Variants in FCHSD2 observed in about 807,000 individuals in gnomAD.
FCHSD2 encodes F-BAR and double SH3 domains protein 2.
FCHSD2 carries 38 observed loss-of-function variants against 108.1 expected under a neutral mutation model. The observed-to-expected ratio is 0.35, with a 90% confidence interval of 0.27 to 0.46. The LOEUF is 0.46. Ranked by LOEUF, FCHSD2 falls within the 20% of genes least tolerant of loss-of-function variation. FCHSD2 has a pLI of 1.00. For missense variants in FCHSD2, 751 were observed against 897.8 expected (o/e 0.84, Z 2.09); for synonymous variants, 279 against 314.7 (o/e 0.89, Z 1.20).
rs144561750 is a variant in FCHSD2, at chr11:73,016,259, G to C, written c.166-374C>G. 7.8e-3 allele frequency among the ~76,000 whole-genome samples: 1,175 copies of C among 151,102 alleles called. 19 individuals carry two copies. Among genetic ancestry groups the C allele is most frequent in the African/African-American group, 0.027 (1,099 of 41,110 alleles). On this transcript the variant is annotated intron_variant, in intron 3 of 19. Coordinates refer to ENST00000409418, the MANE Select transcript of FCHSD2 (RefSeq NM_014824.3). ...CGGAGGCTGCAGTGAGCCGAGACTGGGCCTCAGCACTCCAGCCTGGGTGAC... is the reference window on the plus strand; with the variant it reads ...CGGAGGCTGCAGTGAGCCGAGACTGCGCCTCAGCACTCCAGCCTGGGTGAC...
chr11:73,040,338 G>GT (rs971274752), intron 3 of FCHSD2, among the ~76,000 whole-genome samples: 1 of 152,108 alleles, frequency 6.6e-6, no homozygotes, highest in Non-Finnish European at 1.5e-5. Flanking sequence ...TTTGTTTTTT[G>GT]TTTTTTGCCA....
At chr11:72,885,949 C>T (rs1855188807) in intron 12 of FCHSD2, among the ~76,000 whole-genome samples, 1 of 152,150 alleles carries the variant, frequency 6.6e-6, no homozygotes, top group Non-Finnish European at 1.5e-5. Context: ...CCAGCCCAGG[C>T]AGATGGCAAG....
chr11:72,872,477 C>G (rs376486887), intron 12 of FCHSD2, among the ~76,000 whole-genome samples: 4 of 152,068 alleles, frequency 2.6e-5, no homozygotes, highest in Admixed American at 6.6e-5. Flanking sequence ...TCTTGACAAT[C>G]ACTATTCTAC....
intron 4 of FCHSD2, among the ~76,000 whole-genome samples, chr11:73,003,510 G>A (rs1440267837): frequency 3.6e-5 from 5 of 140,204 alleles, no homozygotes; most frequent in East Asian, 2.0e-4. Flanking sequence ...TTTTTGAGAC[G>A]GAGTCTTGCT....
chr11:73,005,138 C>T (rs1338446511), intron 4 of FCHSD2, among the ~76,000 whole-genome samples: 1 of 152,204 alleles, frequency 6.6e-6, no homozygotes. Context: ...TATGAGCAAA[C>T]ATGCTATAAT....
intron 2 of FCHSD2, among the ~76,000 whole-genome samples, 182 bp from the exon 3 acceptor site, chr11:73,083,922 T>C (rs1859755867): frequency 6.6e-6 from 1 of 152,216 alleles, no homozygotes; most frequent in Non-Finnish European, 1.5e-5. Context: ...AGGATCTACA[T>C]TCAAACCCCA....
intron 3 of FCHSD2, among the ~76,000 whole-genome samples, chr11:73,050,508 A>AT (rs1858873936): frequency 6.6e-6 from 1 of 152,198 alleles, no homozygotes; most frequent in Non-Finnish European, 1.5e-5. Context: ...TGAATATATA[A>AT]GGCTCTTAAA....
intron 13 of FCHSD2, among the ~76,000 whole-genome samples, chr11:72,855,362 G>A (rs935706555): frequency 1.6e-4 from 25 of 152,286 alleles, no homozygotes; most frequent in South Asian, 4.1e-4. Context: ...TGTAATCCCA[G>A]CTGCTCAGGA....
chr11:72,876,672 A>G (rs912208592), intron 12 of FCHSD2, among the ~76,000 whole-genome samples: 1 of 152,186 alleles, frequency 6.6e-6, no homozygotes, highest in African/African-American at 2.4e-5. Context: ...ATGAATGCCA[A>G]TTAGGTAAAG....
chr11:73,034,696 C>T (rs1242760414), intron 3 of FCHSD2, among the ~76,000 whole-genome samples: 1 of 152,154 alleles, frequency 6.6e-6, no homozygotes. Context: ...CAATTTTTTT[C>T]AACTTCAATA....
chr11:73,069,710 A>G (rs1251665010), intron 3 of FCHSD2, among the ~76,000 whole-genome samples: 1 of 152,168 alleles, frequency 6.6e-6, no homozygotes, highest in African/African-American at 2.4e-5. Flanking sequence ...AAAGAGATAG[A>G]TACAAATAAT....
chr11:72,960,186 C>A (rs548626109), intron 8 of FCHSD2, among the ~76,000 whole-genome samples: 1 of 152,160 alleles, frequency 6.6e-6, no homozygotes, highest in South Asian at 2.1e-4. Context: ...GCAGAGCAGG[C>A]ATGTCACAAG....
At chr11:73,135,268 A>G (rs1861096299) in intron 2 of FCHSD2, among the ~76,000 whole-genome samples, 1 of 152,248 alleles carries the variant, frequency 6.6e-6, no homozygotes, top group African/African-American at 2.4e-5. Flanking sequence ...GTACAGTAGT[A>G]TGGAAATCAG....
intron 9 of FCHSD2, 44 bp from the exon 10 acceptor site, chr11:72,902,682 A>G: frequency 8.5e-7 from 1 of 1,170,850 alleles, no homozygotes; most frequent in Non-Finnish European, 1.2e-6. Flanking sequence ...ATGAGGTTAA[A>G]ATGTCCAATT....
intron 4 of FCHSD2, among the ~76,000 whole-genome samples, chr11:73,006,548 G>A (rs1439574994): frequency 6.6e-6 from 1 of 152,132 alleles, no homozygotes. Flanking sequence ...ACCCCGCTTT[G>A]AGCCACCCTC....
chr11:72,980,675 G>GTATA lies in FCHSD2; in HGVS notation c.705+3409_705+3412dup, dbSNP rs35298009. 2.4e-3 allele frequency among the ~76,000 whole-genome samples: 339 copies of GTATA among 144,060 alleles called. 1 individual carries two copies. The highest frequency in any genetic ancestry group is 7.1e-3 in the Middle Eastern group (2 of 280). The allele number at this position is 144,060 out of a possible 152,430, so 94.5% of individuals were successfully genotyped here. A position where few individuals can be genotyped will look rare whatever the true frequency, so the allele number is the denominator to read the frequency against. Reference sequence around the variant, plus strand: ...TATATGTATGTGTATGTGTGTGTGTGTATATATATATATATATATATAATG... The same window carrying GTATA: ...TATATGTATGTGTATGTGTGTGTGTGTATATATATATATATATATATATATAATG... On this transcript the variant is annotated intron_variant, in intron 8 of 19. Coordinates refer to ENST00000409418, the MANE Select transcript of FCHSD2 (RefSeq NM_014824.3).
At chr11:72,917,991 GA>G (rs1311364948) in intron 9 of FCHSD2, among the ~76,000 whole-genome samples, 1 of 152,050 alleles carries the variant, frequency 6.6e-6, no homozygotes, top group East Asian at 1.9e-4. Context: ...TCACTTTGGG[GA>G]ATATTACAAT....
At chr11:73,071,820 A>G (rs1480431571) in intron 3 of FCHSD2, among the ~76,000 whole-genome samples, 9 of 152,180 alleles carry the variant, frequency 5.9e-5, no homozygotes, top group Non-Finnish European at 1.3e-4. Flanking sequence ...AACAGTAACT[A>G]CTGTATCCCT....
At chr11:73,071,985 T>C (rs1169180123) in intron 3 of FCHSD2, among the ~76,000 whole-genome samples, 2 of 152,030 alleles carry the variant, frequency 1.3e-5, no homozygotes, top group Non-Finnish European at 2.9e-5. Flanking sequence ...GAGGTGCCTA[T>C]AAAAAATCTT....
Sources: allele counts gnomAD v4.1 joint callset (sites outside exome capture counted in the v4.1 genomes callset), GRCh38; gene constraint gnomAD v4.1.1; transcripts MANE v1.5; gene names NCBI Gene and HGNC (gene_info 2026-07-23, HGNC 2026-07-21).